The following EPB41L4A variants were observed in gnomAD, a reference collection of about 807,000 sequenced individuals.
The protein encoded by EPB41L4A is erythrocyte membrane protein band 4.1 like 4A.
Under a neutral mutation model 108.6 loss-of-function variants are expected in EPB41L4A, and 100 were observed. The observed-to-expected ratio is 0.92, with a 90% CI of 0.78 to 1.09. The LOEUF is 1.09. Among genes scored for constraint, EPB41L4A ranks in the 50% least tolerant of loss-of-function variants. The pLI, the probability that EPB41L4A is intolerant of heterozygous loss-of-function variation, is 0.00. For missense variants in EPB41L4A, 1,030 were observed against 842.7 expected (o/e 1.22, Z -2.75); for synonymous variants, 319 against 289.0 (o/e 1.10, Z -1.05).
At chr5:112,370,707 G>A (rs1473427349) in intron 1 of EPB41L4A, among the ~76,000 whole-genome samples, 17 of 152,222 alleles carry the variant, frequency 1.1e-4, no homozygotes, top group Admixed American at 1.1e-3. Context: ...CTGAGGTCAG[G>A]AGTTCGAGGC....
At chr5:112,300,703 G>A (rs566278623) in intron 2 of EPB41L4A, among the ~76,000 whole-genome samples, 3 of 152,116 alleles carry the variant, frequency 2.0e-5, no homozygotes, top group Non-Finnish European at 4.4e-5. Context: ...TAGCAAGGCT[G>A]GGGAAGCTGT....
intron 1 of EPB41L4A, among the ~76,000 whole-genome samples, chr5:112,351,673 G>C (rs1285986244): frequency 6.6e-6 from 1 of 151,964 alleles, no homozygotes; most frequent in African/African-American, 2.4e-5. Context: ...AAAAGAGAGA[G>C]ACAGAGAGAG....
At chr5:112,406,626 G>A (rs867552298) in intron 1 of EPB41L4A, among the ~76,000 whole-genome samples, 15 of 152,100 alleles carry the variant, frequency 9.9e-5, no homozygotes, top group African/African-American at 3.6e-4. Context: ...CTTAATTTAA[G>A]GGCTGGGGGT....
intron 1 of EPB41L4A, among the ~76,000 whole-genome samples, chr5:112,408,351 T>C (rs1762203783): frequency 6.6e-6 from 1 of 152,034 alleles, no homozygotes; most frequent in Non-Finnish European, 1.5e-5. Context: ...AAAATATAGA[T>C]AAACTGGACT....
chr5:112,162,484 C>A (rs780836725), downstream of EPB41L4A: 4 of 152,174 alleles, frequency 2.6e-5, no homozygotes, highest in Non-Finnish European at 5.9e-5. Context: ...ACTCAAAAAT[C>A]GTGGCTAGAA....
At chr5:112,378,287 T>C (rs539880134) in intron 1 of EPB41L4A, among the ~76,000 whole-genome samples, 1 of 152,326 alleles carries the variant, frequency 6.6e-6, no homozygotes, top group East Asian at 1.9e-4. Context: ...GGAATTGGTC[T>C]ATATAGCTTG....
intron 1 of EPB41L4A, among the ~76,000 whole-genome samples, chr5:112,402,914 C>T (rs1234924017): frequency 1.3e-5 from 2 of 151,976 alleles, no homozygotes; most frequent in South Asian, 2.1e-4. Context: ...TCCTAGAAAG[C>T]GGTTAGTCGT....
intron 1 of EPB41L4A, among the ~76,000 whole-genome samples, chr5:112,365,246 G>A (rs561840368): frequency 2.0e-5 from 3 of 152,222 alleles, no homozygotes; most frequent in South Asian, 2.1e-4. Flanking sequence ...CTGGAGTGCA[G>A]TGGCTATTCA....
intron 9 of EPB41L4A, among the ~76,000 whole-genome samples, chr5:112,258,059 T>C (rs1751235035): frequency 1.3e-5 from 2 of 152,238 alleles, no homozygotes; most frequent in Admixed American, 6.5e-5. Flanking sequence ...TCTTTAAAAA[T>C]CTGGAATTCC....
intron 1 of EPB41L4A, among the ~76,000 whole-genome samples, chr5:112,317,060 G>A (rs1190766157): frequency 6.6e-6 from 1 of 152,172 alleles, no homozygotes; most frequent in African/African-American, 2.4e-5. Context: ...CAGTGCACAT[G>A]GAAAGGGAGC....
chr5:112,339,414 A>G (rs1488704462), intron 1 of EPB41L4A, among the ~76,000 whole-genome samples: 1 of 150,812 alleles, frequency 6.6e-6, no homozygotes, highest in Non-Finnish European at 1.5e-5. Context: ...GTAGCTAACA[A>G]TACAGTAACA....
chr5:112,200,840 T>A (rs1164195670), intron 15 of EPB41L4A, among the ~76,000 whole-genome samples: 1 of 152,226 alleles, frequency 6.6e-6, no homozygotes, highest in Non-Finnish European at 1.5e-5. Flanking sequence ...CCAAAAAGGT[T>A]AAGGACCACT....
At chr5:112,152,539 C>T (rs953040025) in intron 12 of EPB41L4A, among the ~76,000 whole-genome samples, 3 of 152,108 alleles carry the variant, frequency 2.0e-5, no homozygotes, top group Non-Finnish European at 4.4e-5. Context: ...TGTAGGGATG[C>T]AGCAAGAAGG....
At chr5:112,184,434 A>G (rs1317765098) in intron 17 of EPB41L4A, among the ~76,000 whole-genome samples, 1 of 152,234 alleles carries the variant, frequency 6.6e-6, no homozygotes, top group Non-Finnish European at 1.5e-5. Context: ...AGTTTCGACT[A>G]AAGAAACTCT....
In EPB41L4A at chr5:112,266,274, G is replaced by C. The variant is rs911718725; in HGVS notation, c.392C>G (p.Pro131Arg). 3 of 1,610,946 alleles carry C rather than the reference G, an allele frequency of 1.9e-6. No individual in the cohort carries two copies. The African/African-American group carries it at 4.0e-5, about 22-fold the overall frequency. Reference sequence around the variant, plus strand: ...TCCCAGCTGAGCAGCAGTGTTGACGGGACAGGGCAGACGGCCCTGAAGGAC... The same window carrying C: ...TCCCAGCTGAGCAGCAGTGTTGACGCGACAGGGCAGACGGCCCTGAAGGAC... ...QDVLQGRLPCPVNTAAQLGAY... is the reference protein window; with the variant it reads ...QDVLQGRLPCRVNTAAQLGAY... Residue 131 changes from proline (P) to arginine (R), a missense_variant, in exon 5 of 23, where the codon CCC becomes CGC. By Grantham distance (103) the Pro-to-Arg change is moderately radical. Transcript: ENST00000261486.
chr5:112,215,155 G>C (rs983934472), intron 12 of EPB41L4A, among the ~76,000 whole-genome samples: 1 of 152,138 alleles, frequency 6.6e-6, no homozygotes, highest in African/African-American at 2.4e-5. Context: ...TTTAATAAGT[G>C]TCAAAAGTAA....
intron 2 of EPB41L4A, among the ~76,000 whole-genome samples, chr5:112,284,953 A>T (rs530845336): frequency 6.6e-6 from 1 of 152,326 alleles, no homozygotes; most frequent in Admixed American, 6.5e-5. Context: ...TAGGTTCTGA[A>T]ACTCTAATAG....
chr5:112,379,788 T>C (rs374968886), intron 1 of EPB41L4A, among the ~76,000 whole-genome samples: 3 of 151,602 alleles, frequency 2.0e-5, no homozygotes, highest in African/African-American at 7.3e-5. Flanking sequence ...TAACAGAGAG[T>C]TGTCAAGACA....
chr5:112,362,282 G>GT (rs34273954), intron 1 of EPB41L4A, among the ~76,000 whole-genome samples: 85,310 of 134,506 alleles, frequency 0.63, 27,381 homozygotes, highest in South Asian at 0.76. Flanking sequence ...GAGCATTAAT[G>GT]TTTTTTTTTT....
Sources: allele counts gnomAD v4.1 joint callset (sites outside exome capture counted in the v4.1 genomes callset), GRCh38; gene constraint gnomAD v4.1.1; transcripts MANE v1.5; gene names NCBI Gene and HGNC (gene_info 2026-07-23, HGNC 2026-07-21).